The following KIF27 variants were observed in gnomAD, a reference collection of about 807,000 sequenced individuals.
The protein encoded by KIF27 is kinesin-like protein KIF27.
In KIF27, 84 loss-of-function variants were observed where a neutral mutation model predicts 141.8. The observed-to-expected ratio is 0.59, with a 90% CI of 0.50 to 0.71. KIF27 has a LOEUF of 0.71. Ranked by LOEUF, KIF27 falls within the 30% of genes least tolerant of loss-of-function variation. The pLI, the probability that KIF27 is intolerant of heterozygous loss-of-function variation, is 0.00. For synonymous variants in KIF27, 471 were observed against 569.5 expected (o/e 0.83, Z 2.46); for missense variants, 1,306 against 1,628.4 (o/e 0.80, Z 3.41).
intron 5 of KIF27, among the ~76,000 whole-genome samples, chr9:83,892,251 T>C (rs1952755102): frequency 6.6e-6 from 1 of 152,186 alleles, no homozygotes; most frequent in Non-Finnish European, 1.5e-5. Flanking sequence ...AAAAAAACCT[T>C]ACATTTTCAT....
In KIF27 at chr9:83,836,859, A is replaced by C. The variant is rs1945908342; in HGVS notation, c.*142T>G. 4.6e-6 allele frequency: 6 copies of C among 1,300,490 alleles called. No individual in the cohort carries two copies. Among genetic ancestry groups the C allele is most frequent in the Admixed American group, 2.8e-5 (1 of 36,194 alleles). 80.6% of individuals were successfully genotyped at this position (1,300,490 alleles called of 1,614,324 possible). A position where few individuals can be genotyped will look rare whatever the true frequency, so the allele number is the denominator to read the frequency against. ...ATATATAGAAGATGTACACATCTAT[A>C]GCATATAAAAGAATTAGGGATTCCT... On this transcript the variant is annotated 3_prime_UTR_variant, in exon 18 of 18. Coordinates refer to ENST00000297814, the MANE Select transcript of KIF27 (RefSeq NM_017576.4).
Position 83,899,660 on chromosome 9 carries a change from C to T in KIF27, c.1602+1G>A. ...CAGAGCTAGATGCATTAAGAAACTA[C>T]CTGCAGTCTATTCACTTTTTGCGCT... is the stretch of plus-strand genomic sequence containing the variant. On this transcript the variant is annotated splice_donor_variant, in intron 5 of 17. Transcript: ENST00000297814. LOFTEE classifies it high-confidence loss of function. 1 of 1,613,012 alleles carries T rather than the reference C, an allele frequency of 6.2e-7. No homozygotes were observed. Among genetic ancestry groups the T allele is most frequent in the Non-Finnish European group, 8.5e-7 (1 of 1,179,304 alleles).
chr9:83,891,025 T>C (rs1952624264), intron 6 of KIF27, among the ~76,000 whole-genome samples: 1 of 152,212 alleles, frequency 6.6e-6, no homozygotes, highest in South Asian at 2.1e-4. Context: ...AACTTGGTCA[T>C]GTCTGAAAAT....
intron 15 of KIF27, among the ~76,000 whole-genome samples, chr9:83,852,934 T>G (rs1948778629): frequency 6.6e-6 from 1 of 152,194 alleles, no homozygotes; most frequent in African/African-American, 2.4e-5. Flanking sequence ...TATCAGTGTT[T>G]TATTTTTCAT....
At chr9:83,847,115 T>A (rs1947382960) in intron 16 of KIF27, among the ~76,000 whole-genome samples, 1 of 152,034 alleles carries the variant, frequency 6.6e-6, no homozygotes, top group South Asian at 2.1e-4. Context: ...AAGGGTTGGG[T>A]CACTCTACTA....
chr9:83,898,069 G>A (rs901772324), intron 5 of KIF27, among the ~76,000 whole-genome samples: 3 of 151,826 alleles, frequency 2.0e-5, no homozygotes, highest in African/African-American at 7.3e-5. Context: ...CTACCCTATG[G>A]CCTAGCAATT....
intron 7 of KIF27, 23 bp from the exon 8 acceptor site, chr9:83,888,615 A>G: frequency 4.3e-6 from 6 of 1,389,370 alleles, no homozygotes; most frequent in Non-Finnish European, 6.0e-6. Flanking sequence ...TCAGAAAGTT[A>G]ACTTATTTGT....
Position 83,883,825 on chromosome 9 carries a change from C to G in KIF27, c.2433G>C (p.Lys811Asn). The G allele has an allele frequency of 6.2e-7, 1 of 1,609,712 alleles. No individual in the cohort carries two copies. Among genetic ancestry groups the G allele is most frequent in the African/African-American group, 1.3e-5 (1 of 74,950 alleles). The change falls in exon 10 of 18, where the codon AAG becomes AAC. Residue 811 changes from lysine to asparagine, a missense_variant. Transcript: ENST00000297814. ...TTTTTTAAATTACCTGAACTCTCAG[C>G]TTTGCAGCATCCATCTTTTTACGAA... ...KEFRKKMDAA[K>N]LRVQVLQKKQ... is the part of the protein sequence containing the mutation.
intron 4 of KIF27, 59 bp downstream of exon 4, chr9:83,903,001 G>A (rs1008409801): frequency 2.7e-5 from 29 of 1,062,300 alleles, no homozygotes; most frequent in Non-Finnish European, 3.5e-5. Flanking sequence ...CCCAAAATAT[G>A]TACATCTATT....
chr9:83,895,779 C>T (rs143242733), intron 5 of KIF27, among the ~76,000 whole-genome samples: 167 of 152,012 alleles, frequency 1.1e-3, no homozygotes, highest in African/African-American at 3.7e-3. Context: ...AAGTATAGAC[C>T]GGGCACGGTG....
At chr9:83,906,972 G>A (rs377151531) in intron 3 of KIF27, among the ~76,000 whole-genome samples, 5 of 151,524 alleles carry the variant, frequency 3.3e-5, no homozygotes, top group South Asian at 2.1e-4. Flanking sequence ...AAAACTGTGC[G>A]TAGGGTTGCA....
chr9:83,885,252 C>T (rs900980847), intron 9 of KIF27, among the ~76,000 whole-genome samples: 1 of 152,154 alleles, frequency 6.6e-6, no homozygotes, highest in African/African-American at 2.4e-5. Context: ...GCCACCATGC[C>T]CAGCTAATTT....
chr9:83,836,929 G>C lies in KIF27; in HGVS notation c.*72C>G, dbSNP rs1945914476. ...TTCTGAGGAAAGAGGTAGTGAACTT[G>C]AGCTTTAGTTTTTAACAGGTTAGAA... On this transcript the variant is annotated 3_prime_UTR_variant, in exon 18 of 18. Transcript: ENST00000297814. The C allele has an allele frequency of 1.3e-6, 2 of 1,546,148 alleles. No individual in the cohort carries two copies. The highest frequency in any genetic ancestry group is 1.7e-6 in the Non-Finnish European group (2 of 1,148,058).
Position 83,887,032 on chromosome 9 carries a change from T to C in KIF27, c.2239+9A>G, listed in dbSNP as rs1166728284. On this transcript the variant is annotated intron_variant, in intron 9 of 17. Transcript: ENST00000297814. ...TTCTCATTTAAGCTGGTTCACAAGA[T>C]ACTATTACCTGTTTTTATTAATTCT... 1.1e-5 allele frequency: 17 copies of C among 1,564,126 alleles called. No homozygotes were observed. The highest frequency in any genetic ancestry group is 1.4e-5 in the Non-Finnish European group (16 of 1,163,558).
At chr9:83,868,909 C>T (rs1346151360) in intron 12 of KIF27, among the ~76,000 whole-genome samples, 33 of 152,012 alleles carry the variant, frequency 2.2e-4, no homozygotes, top group Non-Finnish European at 1.5e-5. Context: ...TATAGTAGCT[C>T]TACAATTATT....
At chr9:83,838,655 A>C (rs1946200811) in intron 17 of KIF27, 1 of 152,246 alleles carries the variant, frequency 6.6e-6, no homozygotes, top group Non-Finnish European at 1.5e-5. Flanking sequence ...CCCAAGATTT[A>C]AAATTTGAAA....
In KIF27 at chr9:83,918,905, G is replaced by A. The variant is rs148100165; in HGVS notation, c.-88+2466C>T. On this transcript the variant is annotated intron_variant, in intron 1 of 17. Coordinates refer to ENST00000297814, the MANE Select transcript of KIF27 (RefSeq NM_017576.4). Reference sequence around the variant, plus strand: ...AGCCTGAACAACATGGTGAAACCCCGTCCTTACTAAAAATACAAAAATTAG... The same window carrying A: ...AGCCTGAACAACATGGTGAAACCCCATCCTTACTAAAAATACAAAAATTAG... Among the ~76,000 whole-genome samples, 64 of 152,180 alleles carry A rather than the reference G, an allele frequency of 4.2e-4. 1 individual carries two copies. In the East Asian group the frequency reaches 6.6e-3, roughly 16 times the overall value.
At chr9:83,867,637 A>C in intron 13 of KIF27, 47 bp downstream of exon 13, 1 of 1,531,006 alleles carries the variant, frequency 6.5e-7, no homozygotes, top group Non-Finnish European at 8.7e-7. Flanking sequence ...AGTGGGGAGT[A>C]GGGAGTGGTT....
At chr9:83,917,776 A>G (rs2132853679) in intron 1 of KIF27, among the ~76,000 whole-genome samples, 1 of 152,356 alleles carries the variant, frequency 6.6e-6, no homozygotes, top group East Asian at 1.9e-4. Flanking sequence ...TCCCTACCTC[A>G]TATCATATAC....
Sources: gnomAD v4.1 joint callset for allele counts (sites outside exome capture counted in the v4.1 genomes callset) on GRCh38, gnomAD v4.1.1 for gene constraint, MANE v1.5 for transcripts, NCBI Gene and HGNC (gene_info 2026-07-23, HGNC 2026-07-21) for gene names.